The following KCNK1 variants were observed in gnomAD, a reference collection of about 807,000 sequenced individuals.
The protein encoded by KCNK1 is potassium two pore domain channel subfamily K member 1, also known as potassium channel subfamily K member 1.
KCNK1 carries 10 observed loss-of-function variants against 22.2 expected under a neutral mutation model. The observed-to-expected ratio is 0.45, with a 90% confidence interval of 0.28 to 0.76. The LOEUF (loss-of-function observed/expected upper bound fraction) is 0.76, where lower values mean the gene tolerates loss of function less well. KCNK1 is among the 30% of genes least tolerant of loss of function. KCNK1 has a pLI of 0.14. For synonymous variants in KCNK1, 200 were observed against 186.4 expected (o/e 1.07, Z -0.60); for missense variants, 378 against 421.0 (o/e 0.90, Z 0.89).
intron 1 of KCNK1, among the ~76,000 whole-genome samples, chr1:233,619,929 G>C (rs1170879568): frequency 1.4e-5 from 2 of 138,210 alleles, no homozygotes; most frequent in African/African-American, 5.2e-5. Flanking sequence ...GGGGGCGGGG[G>C]GGCGGGGGGG....
chr1:233,618,388 T>G (rs1015703847), intron 1 of KCNK1, among the ~76,000 whole-genome samples: 1 of 151,894 alleles, frequency 6.6e-6, no homozygotes, highest in Non-Finnish European at 1.5e-5. Flanking sequence ...TACTGTGTTT[T>G]TTTTTTTTCC....
intron 1 of KCNK1, among the ~76,000 whole-genome samples, chr1:233,635,864 A>G (rs187794773): frequency 6.6e-6 from 1 of 152,380 alleles, no homozygotes. Context: ...AAAAAATACA[A>G]TAAAGCATTG....
chr1:233,626,921 C>T (rs958890762), intron 1 of KCNK1, among the ~76,000 whole-genome samples: 2 of 151,986 alleles, frequency 1.3e-5, no homozygotes, highest in East Asian at 1.9e-4. Context: ...ATCTCCAGTA[C>T]TCTTTTAAGG....
intron 1 of KCNK1, among the ~76,000 whole-genome samples, chr1:233,618,890 C>A (rs1657530562): frequency 6.6e-6 from 1 of 152,072 alleles, no homozygotes; most frequent in Non-Finnish European, 1.5e-5. Context: ...CTCAAAAAAA[C>A]AAAGAAACAT....
chr1:233,646,408 A>G (rs615625), intron 1 of KCNK1, among the ~76,000 whole-genome samples: 6 of 152,046 alleles, frequency 3.9e-5, no homozygotes, highest in African/African-American at 1.4e-4. Flanking sequence ...ATTTAAAGGC[A>G]TGGATCTAGA....
intron 1 of KCNK1, among the ~76,000 whole-genome samples, chr1:233,641,064 T>A (rs1168206262): frequency 6.6e-6 from 1 of 152,210 alleles, no homozygotes; most frequent in Non-Finnish European, 1.5e-5. Context: ...AATTGGCATC[T>A]CTCTTAAAAT....
At chr1:233,638,802 G>A (rs1283303100) in intron 1 of KCNK1, among the ~76,000 whole-genome samples, 1 of 152,164 alleles carries the variant, frequency 6.6e-6, no homozygotes, top group Non-Finnish European at 1.5e-5. Context: ...ATGCCAGAGA[G>A]TAATATTTTT....
At chr1:233,651,740 G>A (rs888948703) in intron 1 of KCNK1, among the ~76,000 whole-genome samples, 3 of 152,214 alleles carry the variant, frequency 2.0e-5, no homozygotes, top group African/African-American at 4.8e-5. Flanking sequence ...GGAGCAGGAC[G>A]TGTGCAGTGT....
At chr1:233,623,223 A>G in intron 1 of KCNK1, among the ~76,000 whole-genome samples, 1 of 145,572 alleles carries the variant, frequency 6.9e-6, no homozygotes, top group East Asian at 1.9e-4. Flanking sequence ...GTTAGCAAGA[A>G]AAAAAAAAGG....
intron 1 of KCNK1, among the ~76,000 whole-genome samples, chr1:233,662,336 A>G (rs554848496): frequency 4.0e-5 from 6 of 151,488 alleles, no homozygotes; most frequent in African/African-American, 1.5e-4. Context: ...CTTAATGGAG[A>G]ATGTATACAT....
chr1:233,671,634 C>G lies in KCNK1; in HGVS notation c.*104C>G. 7.5e-7 allele frequency: 1 copy of G among 1,334,750 alleles called. No homozygotes were observed. The highest frequency in any genetic ancestry group is 1.0e-6 in the Non-Finnish European group (1 of 966,306). 82.7% of individuals were successfully genotyped at this position (1,334,750 alleles called of 1,614,324 possible). On this transcript the variant is annotated 3_prime_UTR_variant, in exon 3 of 3. Coordinates refer to ENST00000366621, the MANE Select transcript of KCNK1 (RefSeq NM_002245.4). ...GAATGCAAAAGCGAAAATTATGTCA[C>G]TTTAAGAAATAGCTACTGTTTGCAA...
At chr1:233,651,809 G>T (rs1320240951) in intron 1 of KCNK1, among the ~76,000 whole-genome samples, 2 of 152,210 alleles carry the variant, frequency 1.3e-5, no homozygotes, top group Admixed American at 6.5e-5. Context: ...GCAGGAGCTG[G>T]TGTGAGAACG....
chr1:233,636,310 G>A (rs908969329), intron 1 of KCNK1, among the ~76,000 whole-genome samples: 3 of 152,172 alleles, frequency 2.0e-5, no homozygotes, highest in African/African-American at 7.2e-5. Flanking sequence ...GGGCCGATCA[G>A]GGAGACCAGC....
chr1:233,651,400 A>C (rs908792518), intron 1 of KCNK1, among the ~76,000 whole-genome samples: 1 of 152,210 alleles, frequency 6.6e-6, no homozygotes, highest in Non-Finnish European at 1.5e-5. Flanking sequence ...AACCCAGAGG[A>C]GGTGGCATGT....
chr1:233,615,232 CTGACTTAA>C (rs1308493288), intron 1 of KCNK1, among the ~76,000 whole-genome samples: 1 of 152,236 alleles, frequency 6.6e-6, no homozygotes, highest in Non-Finnish European at 1.5e-5. Flanking sequence ...TGCCTAAGAT[CTGACTTAA>C]TTGGGGCACC....
chr1:233,670,251 AT>A (rs1658574400), intron 2 of KCNK1, among the ~76,000 whole-genome samples: 1 of 152,202 alleles, frequency 6.6e-6, no homozygotes, highest in East Asian at 1.9e-4. Context: ...CAAACTGGTA[AT>A]GTTGGCCAGT....
At chr1:233,627,008 A>G (rs927131043) in intron 1 of KCNK1, among the ~76,000 whole-genome samples, 1 of 151,682 alleles carries the variant, frequency 6.6e-6, no homozygotes, top group Non-Finnish European at 1.5e-5. Flanking sequence ...TAAGTAAAAC[A>G]TGATTTTTTT....
intron 1 of KCNK1, among the ~76,000 whole-genome samples, chr1:233,621,238 C>T (rs1657581264): frequency 6.6e-6 from 1 of 152,164 alleles, no homozygotes; most frequent in Non-Finnish European, 1.5e-5. Flanking sequence ...GAGAAGGTGG[C>T]CATCTGCAAG....
At chr1:233,639,779 G>A (rs1657972385) in intron 1 of KCNK1, among the ~76,000 whole-genome samples, 1 of 152,136 alleles carries the variant, frequency 6.6e-6, no homozygotes, top group Admixed American at 6.5e-5. Flanking sequence ...TTTTGCTTTT[G>A]TACTCCTGGC....
Sources: allele counts gnomAD v4.1 joint callset (sites outside exome capture counted in the v4.1 genomes callset), GRCh38; gene constraint gnomAD v4.1.1; transcripts MANE v1.5; gene names NCBI Gene and HGNC (gene_info 2026-07-23, HGNC 2026-07-21).